Variants in SHTN1 observed in about 807,000 individuals in gnomAD.
The protein encoded by SHTN1 is shootin 1.
A neutral mutation model predicts 83.1 loss-of-function variants in SHTN1; 42 were observed. The observed-to-expected ratio is 0.51, with a 90% CI of 0.39 to 0.65. The LOEUF is 0.65. Ranked by LOEUF, SHTN1 falls within the 30% of genes least tolerant of loss-of-function variation. The pLI, the probability that SHTN1 is intolerant of heterozygous loss-of-function variation, is 0.00. For synonymous variants in SHTN1, 224 were observed against 247.7 expected, an observed-to-expected ratio of 0.90 and a Z score of 0.90; for missense variants, 622 against 737.8, an observed-to-expected ratio of 0.84 and a Z score of 1.82.
rs1847130458 is a variant in SHTN1 at position 116,885,261 on chromosome 10, T to G, written c.*1083A>C. The G allele has an allele frequency of 6.5e-6, 1 of 152,688 alleles. No individual in the cohort carries two copies. The highest frequency in any genetic ancestry group is 1.5e-5 in the Non-Finnish European group (1 of 68,052). 9.5% of individuals were successfully genotyped at this position (152,688 alleles called of 1,614,324 possible). ...TCTTTAATAGTAAAATTACCATTAC[T>G]GAATCATTGTCATAAAAAGTGCATT... On this transcript the variant is annotated 3_prime_UTR_variant, in exon 17 of 17. Transcript: ENST00000355371.
chr10:117,085,935 T>TTC (rs1309603312), intron 1 of SHTN1, among the ~76,000 whole-genome samples: 1 of 150,276 alleles, frequency 6.7e-6, no homozygotes, highest in Non-Finnish European at 1.5e-5. Flanking sequence ...TTTTTTTTTT[T>TTC]TTTGAGACGG....
chr10:116,945,828 A>G (rs1002224225), intron 7 of SHTN1, among the ~76,000 whole-genome samples: 2 of 152,174 alleles, frequency 1.3e-5, no homozygotes, highest in African/African-American at 4.8e-5. Flanking sequence ...AAACAGCCCA[A>G]AGTCTACCAA....
intron 2 of SHTN1, among the ~76,000 whole-genome samples, chr10:117,037,782 T>G (rs1400948085): frequency 6.6e-6 from 1 of 151,550 alleles, no homozygotes; most frequent in East Asian, 1.9e-4. Context: ...CCAAGACGGG[T>G]GGATCACAAG....
chr10:117,011,997 A>G (rs941860184), intron 2 of SHTN1, among the ~76,000 whole-genome samples: 1 of 151,866 alleles, frequency 6.6e-6, no homozygotes. Context: ...AAAATTAGCC[A>G]GGCGTGGTGG....
At chr10:116,975,665 AAG>A (rs1850778211) in intron 2 of SHTN1, among the ~76,000 whole-genome samples, 1 of 152,072 alleles carries the variant, frequency 6.6e-6, no homozygotes, top group African/African-American at 2.4e-5. Flanking sequence ...AAAAACATAA[AAG>A]AGTCAGCAGT....
intron 1 of SHTN1, among the ~76,000 whole-genome samples, chr10:117,089,492 T>G (rs1180123635): frequency 6.6e-6 from 1 of 152,096 alleles, no homozygotes; most frequent in Non-Finnish European, 1.5e-5. Context: ...ATAAAACTCT[T>G]AAAAGACAAC....
At chr10:116,891,485 C>T (rs10510025) in intron 16 of SHTN1, among the ~76,000 whole-genome samples, 44,324 of 152,140 alleles carry the variant, frequency 0.29, 6,810 homozygotes, top group East Asian at 0.51. Context: ...AAACCGCAAC[C>T]ATATTTACCG....
intron 4 of SHTN1, among the ~76,000 whole-genome samples, chr10:116,957,708 C>G (rs1200323831): frequency 6.6e-6 from 1 of 152,084 alleles, no homozygotes; most frequent in Non-Finnish European, 1.5e-5. Context: ...AACTGGTCCA[C>G]ATTTATCAGT....
At chr10:117,102,649 G>A (rs1853611743) in intron 1 of SHTN1, among the ~76,000 whole-genome samples, 1 of 151,770 alleles carries the variant, frequency 6.6e-6, no homozygotes, top group Non-Finnish European at 1.5e-5. Flanking sequence ...CTTTTTGAAC[G>A]GAAGAATTCA....
chr10:117,072,018 T>C (rs774966099), intron 1 of SHTN1, among the ~76,000 whole-genome samples: 2 of 152,246 alleles, frequency 1.3e-5, no homozygotes, highest in African/African-American at 2.4e-5. Context: ...ACTTTGTTCC[T>C]GACAGGAAAT....
At chr10:117,094,867 G>C (rs1323929426) in intron 1 of SHTN1, among the ~76,000 whole-genome samples, 2 of 152,068 alleles carry the variant, frequency 1.3e-5, no homozygotes, top group Non-Finnish European at 2.9e-5. Flanking sequence ...TCTGAATCTC[G>C]ATAAGTTACA....
intron 1 of SHTN1, among the ~76,000 whole-genome samples, chr10:116,981,358 G>C (rs1851013270): frequency 6.6e-6 from 1 of 152,082 alleles, no homozygotes; most frequent in African/African-American, 2.4e-5. Context: ...AACAGAAAAA[G>C]ATTTGACTGA....
At chr10:116,990,563 TCTTTA>T (rs985573211) in intron 1 of SHTN1, among the ~76,000 whole-genome samples, 3 of 152,108 alleles carry the variant, frequency 2.0e-5, no homozygotes, top group Non-Finnish European at 4.4e-5. Context: ...ACAATGAGGG[TCTTTA>T]CTTTCTTAGG....
At chr10:117,062,110 A>G (rs1852913098) in intron 1 of SHTN1, among the ~76,000 whole-genome samples, 1 of 152,222 alleles carries the variant, frequency 6.6e-6, no homozygotes. Context: ...GCCTGATCAA[A>G]TTATTTGCAT....
intron 2 of SHTN1, among the ~76,000 whole-genome samples, chr10:116,970,155 G>C (rs1265197005): frequency 6.6e-6 from 1 of 152,052 alleles, no homozygotes; most frequent in African/African-American, 2.4e-5. Flanking sequence ...TCTGATACCA[G>C]GAGACAGGAA....
intron 2 of SHTN1, among the ~76,000 whole-genome samples, chr10:117,039,433 C>A (rs1297178577): frequency 6.6e-6 from 1 of 152,152 alleles, no homozygotes; most frequent in African/African-American, 2.4e-5. Context: ...TGTCCAAACC[C>A]ATAGGCTCTA....
Position 116,886,026 on chromosome 10 carries a change from T to C in SHTN1, c.*318A>G. Reference sequence around the variant, plus strand: ...TTTCAGCATTCCATTTGATGAGTGGTATGCACATTTCCTAAAAAGGTATCA... The same window carrying C: ...TTTCAGCATTCCATTTGATGAGTGGCATGCACATTTCCTAAAAAGGTATCA... On this transcript the variant is annotated 3_prime_UTR_variant, in exon 17 of 17. Coordinates refer to ENST00000355371, the MANE Select transcript of SHTN1 (RefSeq NM_001127211.3). 1 of 318,152 alleles carries C rather than the reference T, an allele frequency of 3.1e-6. No individual in the cohort carries two copies. Among genetic ancestry groups the C allele is most frequent in the Non-Finnish European group, 5.8e-6 (1 of 173,852 alleles). 19.7% of individuals were successfully genotyped at this position (318,152 alleles called of 1,614,324 possible).
chr10:116,963,035 GTTTTTTT>G (rs71013628), intron 3 of SHTN1, among the ~76,000 whole-genome samples: 1 of 45,256 alleles, frequency 2.2e-5, no homozygotes, highest in Admixed American at 3.5e-4. Flanking sequence ...AATAATAAAA[GTTTTTTT>G]TTTTTTTTTT....
intron 1 of SHTN1, among the ~76,000 whole-genome samples, chr10:117,095,343 C>T (rs1033791186): frequency 6.6e-6 from 1 of 152,184 alleles, no homozygotes; most frequent in African/African-American, 2.4e-5. Flanking sequence ...CCATCCCCAC[C>T]TATACTTCTG....
Sources: allele counts gnomAD v4.1 joint callset (sites outside exome capture counted in the v4.1 genomes callset), GRCh38; gene constraint gnomAD v4.1.1; transcripts MANE v1.5; gene names NCBI Gene and HGNC (gene_info 2026-07-23, HGNC 2026-07-21).